Variants in FBXL5 observed in about 807,000 individuals in gnomAD.
The protein encoded by FBXL5 is F-box/LRR-repeat protein 5.
FBXL5 carries 26 observed loss-of-function variants against 78.3 expected under a neutral mutation model. The observed-to-expected ratio is 0.33, with a 90% CI of 0.24 to 0.46. The LOEUF is 0.46. Ranked by LOEUF, FBXL5 falls within the 20% of genes least tolerant of loss-of-function variation. FBXL5 has a pLI of 1.00. For missense variants in FBXL5, 710 were observed against 829.2 expected (o/e 0.86, Z 1.77); for synonymous variants, 295 against 282.5 (o/e 1.04, Z -0.45).
chr4:15,613,935 C>T (rs1010590238), intron 9 of FBXL5, among the ~76,000 whole-genome samples: 18 of 152,070 alleles, frequency 1.2e-4, no homozygotes, highest in African/African-American at 3.9e-4. Flanking sequence ...TTCCTCTTTC[C>T]GGCAATTGAG....
At position 15,625,516 on chromosome 4, in the gene FBXL5, C is replaced by G; in HGVS notation, c.1586G>C (p.Arg529Thr). 1 of 1,614,066 alleles carries G rather than the reference C, an allele frequency of 6.2e-7. No homozygotes were observed. The highest frequency in any genetic ancestry group is 2.2e-5 in the East Asian group (1 of 44,874). The part of the protein sequence containing the change: ...GCFSKDIVGL[R>T]TSVCWQQHCA... Reference sequence around the variant, plus strand: ...ATGCTGCTGCCAACAGACACTAGTCCTTAGTCCAACAATGTCCTTACTAAA... The same window carrying G: ...ATGCTGCTGCCAACAGACACTAGTCGTTAGTCCAACAATGTCCTTACTAAA... The change falls in exon 9 of 11, where the codon AGG becomes ACG. Residue 529 changes from arginine (R) to threonine (T), a missense_variant. Arg to Thr is a moderately conservative substitution (Grantham distance 71). This residue lies in a region of FBXL5 where 517 missense variants were observed against 542.9 expected (regional missense o/e 0.95). Transcript: ENST00000341285.
upstream of FBXL5, among the ~76,000 whole-genome samples, chr4:15,662,796 G>T (rs141857350): frequency 1.2e-3 from 180 of 152,186 alleles, 1 homozygote; most frequent in African/African-American, 4.0e-3. Flanking sequence ...CTTTGCAAAG[G>T]TGTTCTTGTT....
At chr4:15,667,791 C>T (rs544891900) in intron 1 of FBXL5, among the ~76,000 whole-genome samples, 1 of 152,224 alleles carries the variant, frequency 6.6e-6, no homozygotes, top group African/African-American at 2.4e-5. Flanking sequence ...CCTGTAATCC[C>T]AGCACTTTGG....
upstream of FBXL5, among the ~76,000 whole-genome samples, chr4:15,656,042 A>G (rs1468738886): frequency 6.6e-6 from 1 of 152,212 alleles, no homozygotes; most frequent in Non-Finnish European, 1.5e-5. Context: ...AACGTGGGGG[A>G]AAAACAGTAT....
intron 5 of FBXL5, among the ~76,000 whole-genome samples, chr4:15,636,169 AAC>A (rs1251838369): frequency 2.6e-5 from 4 of 152,256 alleles, no homozygotes; most frequent in Middle Eastern, 3.4e-3. Context: ...AATTCTGAAA[AAC>A]AGTCAAAAGC....
At chr4:15,668,597 G>A (rs1717641796) in intron 1 of FBXL5, among the ~76,000 whole-genome samples, 1 of 151,906 alleles carries the variant, frequency 6.6e-6, no homozygotes, top group East Asian at 1.9e-4. Context: ...AGATTATAAT[G>A]AAGATAATTT....
At chr4:15,664,702 C>A (rs751962851), upstream of FBXL5, among the ~76,000 whole-genome samples, 1 of 151,714 alleles carries the variant, frequency 6.6e-6, no homozygotes, top group African/African-American at 2.4e-5. Flanking sequence ...GGATTACAGG[C>A]GCCTGATACC....
chr4:15,663,658 TTA>T, upstream of FBXL5, among the ~76,000 whole-genome samples: 1 of 152,190 alleles, frequency 6.6e-6, no homozygotes. Context: ...TTAAATGAGA[TTA>T]TATAGTCAAA....
intron 5 of FBXL5, among the ~76,000 whole-genome samples, chr4:15,632,763 G>T (rs923831026): frequency 6.6e-6 from 1 of 152,198 alleles, no homozygotes; most frequent in African/African-American, 2.4e-5. Context: ...TTTGTATCCT[G>T]AGACTTTGCT....
chr4:15,674,732 C>A (rs1233934882), intron 1 of FBXL5, among the ~76,000 whole-genome samples: 1 of 151,656 alleles, frequency 6.6e-6, no homozygotes, highest in Non-Finnish European at 1.5e-5. Context: ...TCACTGCAAG[C>A]TCCGCCTCCC....
At position 15,644,640 on chromosome 4, in the gene FBXL5, G is replaced by A; in HGVS notation, c.153C>T (p.Phe51=). The A allele has an allele frequency of 6.2e-7, 1 of 1,614,050 alleles. No homozygotes were observed. Among genetic ancestry groups the A allele is most frequent in the Non-Finnish European group, 8.5e-7 (1 of 1,179,994 alleles). ...TCTGCTCATGCATTTTGAACTCCTT[G>A]AAAGTAGCATACAAAGACTGCAGAA... The part of the protein sequence containing the change: ...RALLQSLYAT[F]KEFKMHEQIE... Residue 51 remains phenylalanine (F), a synonymous_variant, in exon 2 of 11, where the codon TTC becomes TTT. Transcript: ENST00000341285.
chr4:15,654,891 G>A (rs986460243), intron 1 of FBXL5, among the ~76,000 whole-genome samples: 3 of 152,260 alleles, frequency 2.0e-5, no homozygotes, highest in Admixed American at 2.0e-4. Context: ...GGGAGTCCCA[G>A]CGCGGCGGTG....
upstream of FBXL5, among the ~76,000 whole-genome samples, chr4:15,657,081 T>C (rs139864435): frequency 6.8e-4 from 104 of 152,320 alleles, no homozygotes; most frequent in African/African-American, 1.9e-3. Flanking sequence ...TCTTCCTCCT[T>C]CTCCCTTTCA....
At chr4:15,627,024 T>C (rs1713130623) in intron 7 of FBXL5, 69 bp from the exon 8 acceptor site, 5 of 899,796 alleles carry the variant, frequency 5.6e-6, no homozygotes, top group African/African-American at 3.7e-5. Context: ...AGATGACTAT[T>C]AGTAAACATA....
intron 8 of FBXL5, among the ~76,000 whole-genome samples, chr4:15,626,569 A>T (rs1713085567): frequency 6.6e-6 from 1 of 152,262 alleles, no homozygotes; most frequent in South Asian, 2.1e-4. Context: ...AATGGCACTT[A>T]GAGCCCAACT....
At chr4:15,670,355 G>A (rs758714051) in intron 1 of FBXL5, among the ~76,000 whole-genome samples, 9 of 152,188 alleles carry the variant, frequency 5.9e-5, no homozygotes, top group Non-Finnish European at 1.2e-4. Flanking sequence ...TTTTCCAGTG[G>A]TTGCTCCGTT....
intron 1 of FBXL5, among the ~76,000 whole-genome samples, chr4:15,651,290 T>C (rs768697726): frequency 4.6e-5 from 7 of 152,164 alleles, no homozygotes; most frequent in Non-Finnish European, 1.0e-4. Flanking sequence ...GCAAAACCCA[T>C]GGGCTTCCGA....
chr4:15,613,692 TTC>T (rs1185345710), intron 9 of FBXL5, among the ~76,000 whole-genome samples: 7 of 152,094 alleles, frequency 4.6e-5, no homozygotes, highest in African/African-American at 1.7e-4. Context: ...AGCTCTGAAG[TTC>T]TTTCTTTTGT....
chr4:15,646,418 T>C (rs755358950), intron 1 of FBXL5, among the ~76,000 whole-genome samples: 3 of 151,750 alleles, frequency 2.0e-5, no homozygotes, highest in Admixed American at 1.3e-4. Context: ...ATAAAATCTA[T>C]TGGTGGCTAA....
Sources: gnomAD v4.1 joint callset for allele counts (sites outside exome capture counted in the v4.1 genomes callset) on GRCh38, gnomAD v4.1.1 for gene constraint, gnomAD v4.1.1 regional missense constraint, MANE v1.5 for transcripts, NCBI Gene and HGNC (gene_info 2026-07-23, HGNC 2026-07-21) for gene names.